The following TMEM144 variants were observed in gnomAD, a reference collection of about 807,000 sequenced individuals.
The protein encoded by TMEM144 is transmembrane protein 144.
In TMEM144, 39 loss-of-function variants were observed where a neutral mutation model predicts 43.6. The ratio of observed to expected loss-of-function variants is 0.90; its 90% CI spans 0.69 to 1.17. The LOEUF is 1.17. Ranked by LOEUF, TMEM144 falls within the 50% of genes most tolerant of loss-of-function variation. The pLI is 0.00. For missense variants in TMEM144, 417 were observed against 411.9 expected, an observed-to-expected ratio of 1.01 and a Z score of -0.11; for synonymous variants, 154 against 133.6, an observed-to-expected ratio of 1.15 and a Z score of -1.06.
At chr4:158,235,648 T>C in intron 8 of TMEM144, 143 bp downstream of exon 8, 2 of 765,034 alleles carry the variant, frequency 2.6e-6, no homozygotes, top group East Asian at 5.9e-5. Context: ...GCGGCGAGGT[T>C]TTTTTGTCCC....
At chr4:158,239,986 C>G (rs1207670768) in intron 9 of TMEM144, among the ~76,000 whole-genome samples, 5 of 151,556 alleles carry the variant, frequency 3.3e-5, no homozygotes, top group Non-Finnish European at 5.9e-5. Context: ...CCCAGGTTCA[C>G]ACCATTCTCC....
chr4:158,248,322 T>A (rs2111153864), intron 12 of TMEM144, among the ~76,000 whole-genome samples: 1 of 151,894 alleles, frequency 6.6e-6, no homozygotes, highest in East Asian at 1.9e-4. Flanking sequence ...GTCCCAGCTG[T>A]TTGGGAGGCT....
In TMEM144 at chr4:158,237,530, G is replaced by T; in HGVS notation, c.569G>T (p.Cys190Phe). ...TGATTTATTTGTTTTGTAAGGGGCT[G>T]CAGTCTTGCAGTGATATCTGGAGTA... ...LSTVHHRIVG[C>F]SLAVISGVLY... Residue 190 changes from cysteine (C) to phenylalanine (F), a missense_variant, in exon 9 of 13, where the codon TGC becomes TTC. Physicochemically the swap from Cys to Phe is radical, Grantham distance 205 (BLOSUM62 -2). Transcript: ENST00000296529. 6.2e-7 allele frequency: 1 copy of T among 1,609,548 alleles called. No individual in the cohort carries two copies.
intron 10 of TMEM144, among the ~76,000 whole-genome samples, chr4:158,240,750 C>T (rs898479188): frequency 2.0e-5 from 3 of 152,172 alleles, no homozygotes; most frequent in Non-Finnish European, 4.4e-5. Flanking sequence ...ATTTCTTTTT[C>T]ACTATCTAAA....
intron 6 of TMEM144, among the ~76,000 whole-genome samples, chr4:158,228,600 A>G (rs147213293): frequency 0.013 from 2,044 of 152,276 alleles, 38 homozygotes; most frequent in African/African-American, 0.047. Flanking sequence ...CCACCGGGGC[A>G]AATGCCTACC....
Position 158,233,042 on chromosome 4 carries a change from A to G in TMEM144, c.495+60A>G, listed in dbSNP as rs768327737. On this transcript the variant is annotated intron_variant, in intron 7 of 12. Transcript: ENST00000296529. ...CATAAAATTAAGATAAATGGATAATACATAAATTTTAAACACAGATGAAAA... is the reference window on the plus strand; with the variant it reads ...CATAAAATTAAGATAAATGGATAATGCATAAATTTTAAACACAGATGAAAA... The G allele has an allele frequency of 6.1e-6, 8 of 1,309,710 alleles. No homozygotes were observed. The South Asian group carries it at 1.1e-4, about 18-fold the overall frequency. 81.1% of individuals were successfully genotyped at this position (1,309,710 alleles called of 1,614,324 possible). A position where few individuals can be genotyped will look rare whatever the true frequency, so the allele number is the denominator to read the frequency against.
chr4:158,239,630 C>T (rs1003375969), intron 9 of TMEM144, among the ~76,000 whole-genome samples: 2 of 152,106 alleles, frequency 1.3e-5, no homozygotes, highest in Non-Finnish European at 2.9e-5. Context: ...TGTGGTCAAC[C>T]TGAGGATTTG....
At chr4:158,243,156 T>A (rs1579146325) in intron 11 of TMEM144, among the ~76,000 whole-genome samples, 2 of 152,224 alleles carry the variant, frequency 1.3e-5, no homozygotes, top group Admixed American at 6.5e-5. Flanking sequence ...ATTAATATGG[T>A]ATCCTCTGTT....
At chr4:158,249,203 C>A (rs1490350592) in intron 12 of TMEM144, among the ~76,000 whole-genome samples, 1 of 152,208 alleles carries the variant, frequency 6.6e-6, no homozygotes, top group East Asian at 1.9e-4. Context: ...CCGTGCCCGG[C>A]CCTGATATTC....
chr4:158,221,420 A>C (rs1383385258), intron 6 of TMEM144, among the ~76,000 whole-genome samples: 1 of 152,180 alleles, frequency 6.6e-6, no homozygotes, highest in East Asian at 1.9e-4. Flanking sequence ...AGCTGCCAAT[A>C]AAGTTTGGGA....
intron 12 of TMEM144, among the ~76,000 whole-genome samples, chr4:158,251,677 T>C (rs1389979725): frequency 6.6e-6 from 1 of 152,156 alleles, no homozygotes; most frequent in East Asian, 1.9e-4. Flanking sequence ...ACCAGCACCA[T>C]GACAGTTCTG....
intron 11 of TMEM144, 73 bp from the exon 12 acceptor site, chr4:158,244,223 A>G (rs1474422898): frequency 4.4e-6 from 5 of 1,143,458 alleles, no homozygotes; most frequent in East Asian, 2.8e-5. Flanking sequence ...ACTGTCTCTA[A>G]CTTACTATAT....
At chr4:158,218,660 A>C (rs1043232548) in intron 5 of TMEM144, among the ~76,000 whole-genome samples, 1 of 152,188 alleles carries the variant, frequency 6.6e-6, no homozygotes, top group Non-Finnish European at 1.5e-5. Context: ...AGTCTACTCC[A>C]AATATTATAC....
chr4:158,235,200 C>T, intron 7 of TMEM144: 1 of 444,040 alleles, frequency 2.3e-6, no homozygotes, highest in East Asian at 3.5e-5. Flanking sequence ...ATCACAATAG[C>T]CACATATTAA....
chr4:158,248,763 G>A (rs1736019734), intron 12 of TMEM144, among the ~76,000 whole-genome samples: 3 of 152,188 alleles, frequency 2.0e-5, no homozygotes, highest in Admixed American at 1.3e-4. Flanking sequence ...CCTTGAAGAC[G>A]CATATTTAAA....
intron 11 of TMEM144, among the ~76,000 whole-genome samples, chr4:158,243,132 G>C (rs757828482): frequency 3.9e-5 from 6 of 152,194 alleles, no homozygotes; most frequent in Non-Finnish European, 5.9e-5. Flanking sequence ...AAATTCTTGA[G>C]TGATTAGCAT....
chr4:158,217,476 A>T lies in TMEM144; in HGVS notation c.332+56A>T, dbSNP rs562041545. 29 of 1,234,872 alleles carry T rather than the reference A, an allele frequency of 2.3e-5. No homozygotes were observed. The African/African-American group carries it at 4.0e-4, about 17-fold the overall frequency. 76.5% of individuals were successfully genotyped at this position (1,234,872 alleles called of 1,614,324 possible). A position where few individuals can be genotyped will look rare whatever the true frequency, so the allele number is the denominator to read the frequency against. ...TTTCCTGCATCCATATTCTATGTAA[A>T]GCAAGTGATTACCGAGAGGAATAAC... On this transcript the variant is annotated intron_variant, in intron 5 of 12. Transcript: ENST00000296529.
rs1325186150 is a variant in TMEM144, at chr4:158,240,368, G to T, written c.752G>T (p.Cys251Phe). The T allele has an allele frequency of 6.2e-7, 1 of 1,613,786 alleles. No homozygotes were observed. Among genetic ancestry groups the T allele is most frequent in the South Asian group, 1.1e-5 (1 of 91,042 alleles). Residue 251 changes from cysteine to phenylalanine, a missense_variant, in exon 10 of 13, where the codon TGC becomes TTC. Coordinates refer to ENST00000296529, the MANE Select transcript of TMEM144 (RefSeq NM_018342.5). The stretch of plus-strand genomic sequence containing the variant: ...AGTACTGTCTACTTTCTGGCCTACT[G>T]CATAGCCATGAAAAATAGTCCTAAA... ...LTSTVYFLAY[C>F]IAMKNSPKLY...
chr4:158,215,112 T>TAA, intron 3 of TMEM144, 79 bp from the exon 4 acceptor site: 1 of 1,583,328 alleles, frequency 6.3e-7, no homozygotes, highest in Non-Finnish European at 8.6e-7. Flanking sequence ...ATTCCTGTAA[T>TAA]ATCACCTCAT....
Sources: gnomAD v4.1 joint callset for allele counts (sites outside exome capture counted in the v4.1 genomes callset) on GRCh38, gnomAD v4.1.1 for gene constraint, MANE v1.5 for transcripts, NCBI Gene and HGNC (gene_info 2026-07-23, HGNC 2026-07-21) for gene names.